The following ATP1A2 variants were observed in gnomAD, a reference collection of about 807,000 sequenced individuals.
ATP1A2 encodes the protein sodium/potassium-transporting ATPase subunit alpha-2.
ATP1A2 carries 56 observed loss-of-function variants against 113.1 expected under a neutral mutation model. That is an observed-to-expected ratio of 0.49 (90% CI 0.40 to 0.62). The LOEUF (loss-of-function observed/expected upper bound fraction) is 0.62. Ranked by LOEUF, ATP1A2 falls within the 20% of genes least tolerant of loss-of-function variation. The pLI, the probability that ATP1A2 is intolerant of heterozygous loss-of-function variation, is 0.00. For synonymous variants in ATP1A2, 490 were observed against 526.8 expected, an observed-to-expected ratio of 0.93 and a Z score of 0.96; for missense variants, 712 against 1,357.8, an observed-to-expected ratio of 0.52 and a Z score of 7.47.
rs1167268446 is a variant in ATP1A2 at position 160,120,627 on chromosome 1, A to C, written c.13-279A>C. Among the ~76,000 whole-genome samples, 2 of 152,146 alleles carry C rather than the reference A, an allele frequency of 1.3e-5. 1 individual carries two copies. The highest frequency in any genetic ancestry group is 3.9e-4 in the East Asian group (2 of 5,192). ...GCAGCAGGGTCCTTTCAACAAACAA[A>C]ATCTTAGCAGAAGCCCAAGCATTAA... On this transcript the variant is annotated intron_variant, in intron 1 of 22. Coordinates refer to ENST00000361216, the MANE Select transcript of ATP1A2 (RefSeq NM_000702.4).
chr1:160,119,887 T>A (rs1651327268), intron 1 of ATP1A2, among the ~76,000 whole-genome samples: 1 of 148,166 alleles, frequency 6.7e-6, no homozygotes, highest in South Asian at 2.2e-4. Context: ...CTGAGCGTGG[T>A]GGTGCATGCT....
Position 160,136,918 on chromosome 1 carries a change from G to T in ATP1A2, c.2727G>T (p.Lys909Asn), listed in dbSNP as rs1483005645. ...YGQEWTYEQR[K>N]VVEFTCHTAF... is the part of the protein sequence containing the mutation. The stretch of plus-strand genomic sequence containing the variant: ...CCCTCCAGACCTATGAGCAGCGGAA[G>T]GTGGTGGAGTTCACGTGCCACACGG... Residue 909 changes from lysine to asparagine, a missense_variant, in exon 20 of 23, where the codon AAG becomes AAT. By Grantham distance (94) the Lys-to-Asn change is moderately conservative. Coordinates refer to ENST00000361216, the MANE Select transcript of ATP1A2 (RefSeq NM_000702.4). 1 of 1,614,096 alleles carries T rather than the reference G, an allele frequency of 6.2e-7. No homozygotes were observed. The highest frequency in any genetic ancestry group is 8.5e-7 in the Non-Finnish European group (1 of 1,180,042).
Position 160,130,540 on chromosome 1 carries a change from C to A in ATP1A2, c.1770C>A (p.Asp590Glu), listed in dbSNP as rs1651740137. The change falls in exon 13 of 23, where the codon GAC becomes GAA. Residue 590 changes from aspartate (D) to glutamate (E), a missense_variant. Physicochemically the swap from Asp to Glu is conservative, Grantham distance 45. Coordinates refer to ENST00000361216, the MANE Select transcript of ATP1A2 (RefSeq NM_000702.4). ...LCFVGLMSMI[D>E]PPRAAVPDAV... ...TTGTGGGGCTCATGTCTATGATTGA[C>A]CCTCCCCGGGCTGCTGTGCCAGATG... The A allele has an allele frequency of 6.2e-7, 1 of 1,614,112 alleles. No homozygotes were observed. Among genetic ancestry groups the A allele is most frequent in the African/African-American group, 1.3e-5 (1 of 74,936 alleles).
chr1:160,129,778 T>A (rs1457993709), intron 11 of ATP1A2, among the ~76,000 whole-genome samples: 1 of 152,148 alleles, frequency 6.6e-6, no homozygotes, highest in Admixed American at 6.5e-5. Flanking sequence ...TTCCTTATTA[T>A]CCATAGAGGT....
At chr1:160,128,876 G>A in intron 9 of ATP1A2, 26 bp downstream of exon 9, 1 of 1,613,780 alleles carries the variant, frequency 6.2e-7, no homozygotes, top group Admixed American at 1.7e-5. Flanking sequence ...AGAGGGGGTG[G>A]ATAGGATTAG....
rs1651895766 is a variant in ATP1A2, at chr1:160,135,161, G to A, written c.1981G>A (p.Val661Met). Residue 661 changes from valine (V) to methionine (M), a missense_variant, in exon 15 of 23, where the codon GTG (valine) becomes ATG (methionine). Coordinates refer to ENST00000361216, the MANE Select transcript of ATP1A2 (RefSeq NM_000702.4). This position sits in a 1 kb window ranked among gnomAD's most constrained non-coding sequence, Gnocchi z 6.3. ...QVNPREAKAC[V>M]VHGSDLKDMT... ...ACCCTCCAGAGAAGCCAAGGCATGC[G>A]TGGTGCACGGCTCTGACCTGAAGGA... 3.7e-6 allele frequency: 6 copies of A among 1,614,040 alleles called. No individual in the cohort carries two copies. Among genetic ancestry groups the A allele is most frequent in the Non-Finnish European group, 4.2e-6 (5 of 1,180,026 alleles).
Position 160,141,411 on chromosome 1 carries a change from T to A in ATP1A2, c.*89T>A. The A allele has an allele frequency of 6.6e-7, 1 of 1,525,964 alleles. No homozygotes were observed. The highest frequency in any genetic ancestry group is 2.3e-5 in the East Asian group (1 of 44,394). 94.5% of individuals were successfully genotyped at this position (1,525,964 alleles called of 1,614,324 possible). A position where few individuals can be genotyped will look rare whatever the true frequency, so the allele number is the denominator to read the frequency against. The stretch of plus-strand genomic sequence containing the variant: ...GATGGAGAGGGATGGAAATAACGGG[T>A]GGCATTGGGTGGCAACATTTGGGGA... On this transcript the variant is annotated 3_prime_UTR_variant, in exon 23 of 23. Transcript: ENST00000361216.
At chr1:160,125,306 G>A (rs1330766832) in intron 7 of ATP1A2, 53 bp downstream of exon 7, 20 of 1,500,244 alleles carry the variant, frequency 1.3e-5, no homozygotes, top group Non-Finnish European at 1.7e-5. Flanking sequence ...TGAATCCATA[G>A]TCAGGATGAA....
rs775031080 is a variant in ATP1A2 at position 160,134,537 on chromosome 1, C to T, written c.1881C>T (p.Gly627=). The T allele has an allele frequency of 1.7e-5, 28 of 1,614,074 alleles. No homozygotes were observed. Among genetic ancestry groups the T allele is most frequent in the Admixed American group, 6.7e-5 (4 of 60,004 alleles). The part of the protein sequence containing the change: ...HPITAKAIAK[G]VGIISEGNET... Reference sequence around the variant, plus strand: ...TCACAGCCAAGGCCATTGCCAAAGGCGTGGGCATCATATCAGAGGGTAACG... The same window carrying T: ...TCACAGCCAAGGCCATTGCCAAAGGTGTGGGCATCATATCAGAGGGTAACG... The change falls in exon 14 of 23, where the codon GGC becomes GGT. Residue 627 remains glycine (G), a synonymous_variant. Coordinates refer to ENST00000361216, the MANE Select transcript of ATP1A2 (RefSeq NM_000702.4).
Position 160,135,214 on chromosome 1 carries a change from C to T in ATP1A2, c.2034C>T (p.Ile678=). 2 of 1,614,168 alleles carry T rather than the reference C, an allele frequency of 1.2e-6. No individual in the cohort carries two copies. Among genetic ancestry groups the T allele is most frequent in the Non-Finnish European group, 1.7e-6 (2 of 1,180,032 alleles). ...KDMTSEQLDE[I]LKNHTEIVFA... ...TGACATCGGAGCAGCTCGATGAGAT[C>T]CTCAAGAACCACACAGAGATCGTCT... is the stretch of plus-strand genomic sequence containing the variant. The change falls in exon 15 of 23, where the codon ATC becomes ATT. Residue 678 remains isoleucine (I), a synonymous_variant. Transcript: ENST00000361216. The surrounding 1 kb of genome is among the most constrained non-coding windows in gnomAD (Gnocchi z 6.3).
At position 160,143,155 on chromosome 1, in the gene ATP1A2, C is replaced by T. The variant is rs1652206907; in HGVS notation, c.*1833C>T. ...GCATTGGGTCAGACCCATAAACCACCTCCCAAAGGCTGTCATTTCATTGCA... is the reference window on the plus strand; with the variant it reads ...GCATTGGGTCAGACCCATAAACCACTTCCCAAAGGCTGTCATTTCATTGCA... On this transcript the variant is annotated 3_prime_UTR_variant, in exon 23 of 23. Transcript: ENST00000361216. 6.6e-6 allele frequency: 1 copy of T among 152,222 alleles called. No individual in the cohort carries two copies. Among genetic ancestry groups the T allele is most frequent in the African/African-American group, 2.4e-5 (1 of 41,450 alleles). 9.4% of individuals were successfully genotyped at this position (152,222 alleles called of 1,614,324 possible).
chr1:160,140,113 G>T (rs1048239250), intron 22 of ATP1A2, 129 bp downstream of exon 22: 14 of 900,440 alleles, frequency 1.6e-5, no homozygotes, highest in Non-Finnish European at 2.5e-5. Context: ...CAGATCCTGG[G>T]GTCCCAGGTC....
At chr1:160,130,967 C>T (rs1570990786) in intron 13 of ATP1A2, among the ~76,000 whole-genome samples, 1 of 152,202 alleles carries the variant, frequency 6.6e-6, no homozygotes, top group Non-Finnish European at 1.5e-5. Context: ...ATGGGATTAG[C>T]AGGCTCTTGT....
At position 160,119,256 on chromosome 1, in the gene ATP1A2, CAAAAAAAAAAAA is replaced by C. The variant is rs386368465; in HGVS notation, c.13-1634_13-1623del. Among the ~76,000 whole-genome samples the C allele has an allele frequency of 1.2e-3, 59 of 49,442 alleles. 1 individual carries two copies. Among genetic ancestry groups the C allele is most frequent in the Middle Eastern group, 0.017 (1 of 60 alleles). The allele number at this position is 49,442 out of a possible 152,430, so 32.4% of individuals were successfully genotyped here. ...AAACCCCCAAAACTGCATTATCCTG[CAAAAAAAAAAAA>C]AAAAAAAAAAAAAAAGCAAACACCT... On this transcript the variant is annotated intron_variant, in intron 1 of 22. Coordinates refer to ENST00000361216, the MANE Select transcript of ATP1A2 (RefSeq NM_000702.4).
At position 160,141,283 on chromosome 1, in the gene ATP1A2, C is replaced by G. The variant is rs755619892; in HGVS notation, c.3035-11C>G. 6 of 1,614,052 alleles carry G rather than the reference C, an allele frequency of 3.7e-6. No individual in the cohort carries two copies. The South Asian group carries it at 6.6e-5, about 18-fold the overall frequency. On this transcript the variant is annotated splice_polypyrimidine_tract_variant and intron_variant, in intron 22 of 22. Transcript: ENST00000361216. ...TCATGCTGCAATCTCCACTCCCAAT[C>G]TCTCTAACAGGCTGGGTGGAGAAGG...
intron 4 of ATP1A2, 41 bp from the exon 5 acceptor site, chr1:160,123,902 G>C (rs41265765): frequency 6.3e-7 from 1 of 1,583,596 alleles, no homozygotes; most frequent in East Asian, 2.2e-5. Context: ...CTTTAGGGTT[G>C]GGGGGAAGGT....
intron 1 of ATP1A2, among the ~76,000 whole-genome samples, chr1:160,117,384 G>A (rs1651220598): frequency 6.6e-6 from 1 of 152,132 alleles, no homozygotes; most frequent in Admixed American, 6.5e-5. Flanking sequence ...CCATCTTAGA[G>A]CAAGGTAGAC....
rs139806083 is a variant in ATP1A2, at chr1:160,136,221, C to T, written c.2440-26C>T. The T allele has an allele frequency of 2.0e-3, 3,265 of 1,614,030 alleles. 62 individuals carry two copies. In the African/African-American group the frequency reaches 0.036, roughly 18 times the overall value. On this transcript the variant is annotated intron_variant, in intron 17 of 22. Transcript: ENST00000361216. ...CTCCTACGTCCCTTCAAATGCCCTCCCTGCCCCATTTCCTACCCCACACAG... is the reference window on the plus strand; with the variant it reads ...CTCCTACGTCCCTTCAAATGCCCTCTCTGCCCCATTTCCTACCCCACACAG...
Position 160,129,078 on chromosome 1 carries a change from T to C in ATP1A2, c.1315T>C (p.Ser439Pro). ...AVFKAGQENI[S>P]VSKRDTAGDA... ...CTTCAAGGCAGGACAGGAGAACATC[T>C]CCGTGTCTAAGGTAGGGGGTCAGGA... The change falls in exon 10 of 23, where the codon TCC becomes CCC. Residue 439 changes from serine (S) to proline (P), a missense_variant. Around this residue, in one of 6 missense-constraint regions of ATP1A2, gnomAD observed 263 missense variants for 380.6 expected, o/e 0.69. Transcript: ENST00000361216. The C allele has an allele frequency of 6.2e-7, 1 of 1,613,840 alleles. No individual in the cohort carries two copies. Among genetic ancestry groups the C allele is most frequent in the South Asian group, 1.1e-5 (1 of 91,038 alleles).
Sources: gnomAD v4.1 joint callset for allele counts (sites outside exome capture counted in the v4.1 genomes callset) on GRCh38, gnomAD v4.1.1 for gene constraint, gnomAD v4.1.1 regional missense constraint, Gnocchi (gnomAD v3.1) non-coding constraint, MANE v1.5 for transcripts, NCBI Gene and HGNC (gene_info 2026-07-23, HGNC 2026-07-21) for gene names.